The following ZFPM1 variants were observed in gnomAD, a reference collection of about 807,000 sequenced individuals.
ZFPM1 encodes the protein zinc finger protein ZFPM1.
In ZFPM1, 28 loss-of-function variants were observed where a neutral mutation model predicts 46.3. The observed-to-expected ratio is 0.60, with a 90% confidence interval of 0.45 to 0.83. The LOEUF (loss-of-function observed/expected upper bound fraction) is 0.83, where lower values mean the gene tolerates loss of function less well. Among genes scored for constraint, ZFPM1 ranks in the 40% least tolerant of loss-of-function variants. The pLI, the probability that ZFPM1 is intolerant of heterozygous loss-of-function variation, is 0.00. For missense variants in ZFPM1, 1,878 were observed against 1,432.4 expected (o/e 1.31, Z -5.02); for synonymous variants, 957 against 675.9 (o/e 1.42, Z -6.45).
intron 4 of ZFPM1, among the ~76,000 whole-genome samples, chr16:88,526,204 G>C (rs1165252281): frequency 1.3e-5 from 2 of 152,238 alleles, no homozygotes; most frequent in Non-Finnish European, 2.9e-5. Flanking sequence ...GAGCGAGCGG[G>C]AACGCAGGTG....
chr16:88,488,311 G>A (rs1909353745), intron 2 of ZFPM1, among the ~76,000 whole-genome samples: 1 of 152,154 alleles, frequency 6.6e-6, no homozygotes, highest in African/African-American at 2.4e-5. Context: ...TGGGGCCCGG[G>A]AAGGAGCTGG....
intron 1 of ZFPM1, among the ~76,000 whole-genome samples, chr16:88,465,474 G>C (rs1374000695): frequency 1.3e-5 from 2 of 152,264 alleles, no homozygotes; most frequent in Non-Finnish European, 2.9e-5. Flanking sequence ...TGTCAAATGA[G>C]TGGGAGCACG....
intron 3 of ZFPM1, among the ~76,000 whole-genome samples, chr16:88,502,863 G>A (rs1597256916): frequency 6.6e-6 from 1 of 151,480 alleles, no homozygotes; most frequent in East Asian, 1.9e-4. Flanking sequence ...GAGGCCACGT[G>A]GATGCCCGTT....
chr16:88,489,140 C>G lies in ZFPM1; in HGVS notation c.255C>G (p.Pro85=). 6.2e-7 allele frequency: 1 copy of G among 1,604,832 alleles called. No individual in the cohort carries two copies. The highest frequency in any genetic ancestry group is 8.5e-7 in the Non-Finnish European group (1 of 1,176,186). ...PRPTEEEPGS[P]WSGPDELEPV... Reference sequence around the variant, plus strand: ...CCACGGAGGAAGAGCCGGGCAGTCCCTGGAGCGGGCCAGGTAACCACGCGG... The same window carrying G: ...CCACGGAGGAAGAGCCGGGCAGTCCGTGGAGCGGGCCAGGTAACCACGCGG... Residue 85 remains proline (P), a synonymous_variant, in exon 3 of 10, where the codon CCC becomes CCG. Transcript: ENST00000319555.
At chr16:88,528,296 G>A (rs1912510285) in intron 6 of ZFPM1, 58 bp downstream of exon 6, 10 of 1,504,636 alleles carry the variant, frequency 6.6e-6, no homozygotes, top group Admixed American at 4.0e-5. Context: ...GAGCAGGCAG[G>A]GCAGGAGAGG....
At chr16:88,519,163 GC>G (rs1911609632) in intron 4 of ZFPM1, among the ~76,000 whole-genome samples, 1 of 138,040 alleles carries the variant, frequency 7.2e-6, no homozygotes, top group Non-Finnish European at 1.6e-5. Context: ...ATGGGTGGAT[GC>G]ATGGGTGGGT....
chr16:88,507,576 G>A (rs776056387), intron 3 of ZFPM1, among the ~76,000 whole-genome samples: 10 of 152,182 alleles, frequency 6.6e-5, no homozygotes, highest in African/African-American at 1.7e-4. Context: ...CTCAGAGGAC[G>A]GTGCTCAGCC....
At chr16:88,524,248 AG>A (rs1179650952) in intron 4 of ZFPM1, among the ~76,000 whole-genome samples, 1 of 152,292 alleles carries the variant, frequency 6.6e-6, no homozygotes, top group East Asian at 1.9e-4. Flanking sequence ...AGCCTCGCCG[AG>A]CGCTGCCCGC....
At chr16:88,465,817 G>A (rs933789344) in intron 1 of ZFPM1, among the ~76,000 whole-genome samples, 6 of 152,238 alleles carry the variant, frequency 3.9e-5, no homozygotes, top group Admixed American at 1.3e-4. Flanking sequence ...CAGCTGATCC[G>A]AGATCCGGCG....
intron 3 of ZFPM1, among the ~76,000 whole-genome samples, chr16:88,495,926 A>C (rs1909906436): frequency 1.3e-5 from 2 of 152,146 alleles, no homozygotes; most frequent in Non-Finnish European, 2.9e-5. Flanking sequence ...TCCGCCTGTG[A>C]GGTGGGAGCT....
chr16:88,499,363 A>G (rs1323132582), intron 3 of ZFPM1, among the ~76,000 whole-genome samples: 2 of 152,194 alleles, frequency 1.3e-5, no homozygotes, highest in East Asian at 3.9e-4. Flanking sequence ...TGAGGAAAAC[A>G]GACCTCCTCC....
intron 4 of ZFPM1, among the ~76,000 whole-genome samples, chr16:88,516,980 C>T (rs1432545536): frequency 2.0e-5 from 3 of 152,152 alleles, no homozygotes; most frequent in Admixed American, 6.5e-5. Flanking sequence ...AGTCCCCAGC[C>T]GAGTCAGGAG....
chr16:88,502,309 G>A (rs983617983), intron 3 of ZFPM1, among the ~76,000 whole-genome samples: 104 of 152,086 alleles, frequency 6.8e-4, no homozygotes, highest in Non-Finnish European at 5.9e-4. Context: ...GGTTTATTGC[G>A]TCTCGTGAGG....
At chr16:88,499,508 G>C (rs1910130414) in intron 3 of ZFPM1, among the ~76,000 whole-genome samples, 2 of 152,178 alleles carry the variant, frequency 1.3e-5, no homozygotes. Context: ...CAGCGAAGGG[G>C]CCAGGGGGCA....
chr16:88,508,764 T>C lies in ZFPM1; in HGVS notation c.269-5623T>C, dbSNP rs367780864. 3.9e-5 allele frequency among the ~76,000 whole-genome samples: 6 copies of C among 152,286 alleles called. No individual in the cohort carries two copies. In the South Asian group the frequency reaches 8.3e-4, roughly 21 times the overall value. On this transcript the variant is annotated intron_variant, in intron 3 of 9. Coordinates refer to ENST00000319555, the MANE Select transcript of ZFPM1 (RefSeq NM_153813.3). The stretch of plus-strand genomic sequence containing the variant: ...CTCCCCCCTCCCCTTCTGTCGCCTC[T>C]CTCTGTCCTGGGGCCTCAGCTGCCA...
chr16:88,507,045 G>A (rs11076616), intron 3 of ZFPM1, among the ~76,000 whole-genome samples: 13,258 of 152,174 alleles, frequency 0.087, 852 homozygotes, highest in African/African-American at 0.17. Flanking sequence ...TGCTCCGCTC[G>A]GCGACTCCTA....
chr16:88,514,176 C>G (rs1660907366), intron 3 of ZFPM1, among the ~76,000 whole-genome samples: 1 of 152,194 alleles, frequency 6.6e-6, no homozygotes, highest in African/African-American at 2.4e-5. Context: ...CAGGCATCCT[C>G]CTGGCTGCGT....
At position 88,534,619 on chromosome 16, in the gene ZFPM1, C is replaced by G; in HGVS notation, c.2661C>G (p.Gly887=). The G allele has an allele frequency of 8.8e-7, 1 of 1,130,600 alleles. No homozygotes were observed. 70.0% of individuals were successfully genotyped at this position (1,130,600 alleles called of 1,614,324 possible). ...TGCTGCTCGGCGCGCCCCTGGCCGG[C>G]CCGGGGGTCGAGGCCCGGACGCCGG... is the stretch of plus-strand genomic sequence containing the variant. ...HGLLLGAPLA[G]PGVEARTPAD... is the part of the protein sequence containing the mutation. The change falls in exon 10 of 10, where the codon GGC becomes GGG. Residue 887 remains glycine (G), a synonymous_variant. Transcript: ENST00000319555.
chr16:88,486,145 A>G, intron 2 of ZFPM1, 102 bp downstream of exon 2: 1 of 1,213,940 alleles, frequency 8.2e-7, no homozygotes, highest in Non-Finnish European at 1.2e-6. Flanking sequence ...GGTGTGGGCC[A>G]ACTATATGCA....
Sources: allele counts gnomAD v4.1 joint callset (sites outside exome capture counted in the v4.1 genomes callset), GRCh38; gene constraint gnomAD v4.1.1; transcripts MANE v1.5; gene names NCBI Gene and HGNC (gene_info 2026-07-23, HGNC 2026-07-21).